The following TFE3 variants were observed in gnomAD, a reference collection of about 807,000 sequenced individuals.
TFE3 encodes the protein transcription factor binding to IGHM enhancer 3, also known as transcription factor E3.
In TFE3, 5 loss-of-function variants were observed where a neutral mutation model predicts 35.0. The ratio of observed to expected loss-of-function variants is 0.14; its 90% CI spans 0.07 to 0.30. The LOEUF is 0.30. Among genes scored for constraint, TFE3 ranks in the 10% least tolerant of loss-of-function variants. TFE3 has a pLI of 1.00. For synonymous variants in TFE3, 211 were observed against 215.6 expected (o/e 0.98, Z 0.18); for missense variants, 374 against 496.6 (o/e 0.75, Z 2.35).
In TFE3 at chrX:49,039,218, G is replaced by A. The variant is rs1399361139; in HGVS notation, c.423C>T (p.Pro141=). ...RERREQAAAA[P]FPSPAPASPA... is the part of the protein sequence containing the mutation. ...GAGAGGCAGGTGCAGGACTGGGGAA[G>A]GGAGCCGCGGCGGCCTGTTCCCGAC... The change falls in exon 3 of 10, where the codon CCC becomes CCT. Residue 141 remains proline, a synonymous_variant. Coordinates refer to ENST00000315869, the MANE Select transcript of TFE3 (RefSeq NM_006521.6). The A allele has an allele frequency of 1.7e-6, 2 of 1,205,095 alleles. No homozygotes were observed. The highest frequency in any genetic ancestry group is 2.2e-6 in the Non-Finnish European group (2 of 892,945).
In TFE3 at chrX:49,038,261, G is replaced by A. The variant is rs1557075088; in HGVS notation, c.716C>T (p.Pro239Leu). Reference protein sequence around the residue: ...PAPEAAHTTGPTGSAPNSPMA... With the variant: ...PAPEAAHTTGLTGSAPNSPMA... ...GGGGCTGTTGGGCGCACTGCCTGTGGGGCCGGTAGTGTGGGCAGCCTCAGG... is the reference window on the plus strand; with the variant it reads ...GGGGCTGTTGGGCGCACTGCCTGTGAGGCCGGTAGTGTGGGCAGCCTCAGG... The change falls in exon 4 of 10, where the codon CCC becomes CTC. Residue 239 changes from proline (P) to leucine (L), a missense_variant. Physicochemically the swap from Pro to Leu is moderately conservative, Grantham distance 98. Transcript: ENST00000315869. The A allele has an allele frequency of 1.7e-6, 2 of 1,208,467 alleles. No homozygotes were observed. Among genetic ancestry groups the A allele is most frequent in the Admixed American group, 2.2e-5 (1 of 45,623 alleles).
At chrX:49,034,399 G>T in intron 5 of TFE3, 148 bp from the exon 6 acceptor site, 1 of 468,257 alleles carries the variant, frequency 2.1e-6, no homozygotes. Flanking sequence ...CAGAACCCTT[G>T]CTTCTCCTTC....
intron 1 of TFE3, among the ~76,000 whole-genome samples, chrX:49,042,192 T>C (rs782722034): frequency 9.0e-6 from 1 of 111,245 alleles, no homozygotes; most frequent in Non-Finnish European, 1.9e-5. Context: ...TCCAGCTCTA[T>C]GGACAGATTC....
At position 49,042,232 on chromosome X, in the gene TFE3, AAAG is replaced by A. The variant is rs1267902752; in HGVS notation, c.116+876_116+878del. 4.5e-5 allele frequency among the ~76,000 whole-genome samples: 5 copies of A among 111,614 alleles called. No individual in the cohort carries two copies. The Admixed American group carries it at 4.8e-4, about 11-fold the overall frequency. ...TTACCCCCAGGAGCTCGGAGATCGA[AAAG>A]AAGATAAAAAGAAAAGGGGTGTGGG... On this transcript the variant is annotated intron_variant, in intron 1 of 9. Coordinates refer to ENST00000315869, the MANE Select transcript of TFE3 (RefSeq NM_006521.6).
intron 5 of TFE3, among the ~76,000 whole-genome samples, chrX:49,037,195 G>A (rs1467742877): frequency 2.7e-5 from 3 of 111,392 alleles, no homozygotes; most frequent in Non-Finnish European, 3.8e-5. Flanking sequence ...TCCCAGCTAC[G>A]TGAGAGGCTG....
rs1362284922 is a variant in TFE3 at position 49,028,806 on chromosome X, TCCATGGGGCCTGGCCC to T, written c.*1336_*1351del. The T allele has an allele frequency of 6.0e-6, 1 of 167,982 alleles. No homozygotes were observed. Among genetic ancestry groups the T allele is most frequent in the African/African-American group, 3.0e-5 (1 of 33,290 alleles). 13.8% of individuals were successfully genotyped at this position (167,982 alleles called of 1,213,427 possible). On this transcript the variant is annotated 3_prime_UTR_variant, in exon 10 of 10. Coordinates refer to ENST00000315869, the MANE Select transcript of TFE3 (RefSeq NM_006521.6). ...AACCTATAGACCCCTCAGTATACCCTCCATGGGGCCTGGCCCCAGCAATCCAAAGCTGACAACCTTG... is the reference window on the plus strand; with the variant it reads ...AACCTATAGACCCCTCAGTATACCCTCAGCAATCCAAAGCTGACAACCTTG...
intron 3 of TFE3, among the ~76,000 whole-genome samples, chrX:49,038,852 G>A (rs1191542782): frequency 9.0e-6 from 1 of 110,795 alleles, no homozygotes; most frequent in East Asian, 2.8e-4. Context: ...CCCACTTGGG[G>A]CACTCATGAG....
Position 49,029,718 on chromosome X carries a change from G to A in TFE3, c.*440C>T, listed in dbSNP as rs782355417. 2 of 440,689 alleles carry A rather than the reference G, an allele frequency of 4.5e-6. No homozygotes were observed. The highest frequency in any genetic ancestry group is 2.3e-5 in the South Asian group (1 of 43,333). The allele number at this position is 440,689 out of a possible 1,213,427, so 36.3% of individuals were successfully genotyped here. A position where few individuals can be genotyped will look rare whatever the true frequency, so the allele number is the denominator to read the frequency against. ...CTTGACTCCTCTTCTGTGCCAGGAC[G>A]GACTAGACTGGTGGTTCCAAGACAA... On this transcript the variant is annotated 3_prime_UTR_variant, in exon 10 of 10. Coordinates refer to ENST00000315869, the MANE Select transcript of TFE3 (RefSeq NM_006521.6).
intron 1 of TFE3, among the ~76,000 whole-genome samples, chrX:49,041,785 C>G (rs1486889413): frequency 8.9e-6 from 1 of 112,388 alleles, no homozygotes; most frequent in African/African-American, 3.2e-5. Flanking sequence ...GAGCAAGGGA[C>G]AGTTAACACA....
Position 49,030,102 on chromosome X carries a change from C to T in TFE3, c.*56G>A. On this transcript the variant is annotated 3_prime_UTR_variant, in exon 10 of 10. Coordinates refer to ENST00000315869, the MANE Select transcript of TFE3 (RefSeq NM_006521.6). ...GGTGGGGGAAAAGGCGGGGCCTCAT[C>T]CTGACTGGTCCTCCTTTCCTGGGTG... The T allele has an allele frequency of 8.7e-7, 1 of 1,150,498 alleles. No individual in the cohort carries two copies. Among genetic ancestry groups the T allele is most frequent in the South Asian group, 1.9e-5 (1 of 52,263 alleles). 94.8% of individuals were successfully genotyped at this position (1,150,498 alleles called of 1,213,427 possible). A position where few individuals can be genotyped will look rare whatever the true frequency, so the allele number is the denominator to read the frequency against.
Position 49,040,520 on chromosome X carries a change from T to C in TFE3, c.165A>G (p.Leu55=), listed in dbSNP as rs2064754938. The change falls in exon 2 of 10, where the codon TTA becomes TTG. Residue 55 remains leucine, a synonymous_variant. Coordinates refer to ENST00000315869, the MANE Select transcript of TFE3 (RefSeq NM_006521.6). ...PESGIVADIE[L]ENVLDPDSFY... Reference sequence around the variant, plus strand: ...AGCTGTCAGGATCAAGGACGTTTTCTAATTCTATGTCAGCAACAATCCCGG... The same window carrying C: ...AGCTGTCAGGATCAAGGACGTTTTCCAATTCTATGTCAGCAACAATCCCGG... The C allele has an allele frequency of 1.2e-5, 15 of 1,209,081 alleles. No homozygotes were observed. Among genetic ancestry groups the C allele is most frequent in the Non-Finnish European group, 1.6e-5 (14 of 894,865 alleles).
In TFE3 at chrX:49,038,120, G is replaced by A. The variant is rs782352878; in HGVS notation, c.781-6C>T. ...TCATCAATGACATCATCAATCTAGG[G>A]GAAGAAGTAAATATTATACAGGTTT... is the stretch of plus-strand genomic sequence containing the variant. On this transcript the variant is annotated splice_polypyrimidine_tract_variant and splice_region_variant and intron_variant, in intron 4 of 9. Transcript: ENST00000315869. 4 of 1,209,269 alleles carry A rather than the reference G, an allele frequency of 3.3e-6. No individual in the cohort carries two copies. The highest frequency in any genetic ancestry group is 2.3e-4 in the Middle Eastern group (1 of 4,364).
At chrX:49,034,055 G>T in intron 6 of TFE3, 79 bp downstream of exon 6, 1 of 853,635 alleles carries the variant, frequency 1.2e-6, no homozygotes, top group Non-Finnish European at 1.7e-6. Context: ...TCAGAATCAG[G>T]CCCATCTCTA....
At chrX:49,032,908 C>G (rs782160305) in intron 8 of TFE3, among the ~76,000 whole-genome samples, 1 of 111,799 alleles carries the variant, frequency 8.9e-6, no homozygotes, top group Non-Finnish European at 1.9e-5. Flanking sequence ...CCTCGTGATC[C>G]GCCTGCCTTG....
At position 49,028,973 on chromosome X, in the gene TFE3, C is replaced by T. The variant is rs184634249; in HGVS notation, c.*1185G>A. ...TGGGGTGGCCTAGATTCTCAGTATG[C>T]GGAGCAATAAAAAAATCAGATAAAC... On this transcript the variant is annotated 3_prime_UTR_variant, in exon 10 of 10. Coordinates refer to ENST00000315869, the MANE Select transcript of TFE3 (RefSeq NM_006521.6). The T allele has an allele frequency of 1.2e-4, 20 of 170,787 alleles. No homozygotes were observed. Among genetic ancestry groups the T allele is most frequent in the African/African-American group, 5.1e-4 (17 of 33,518 alleles). 14.1% of individuals were successfully genotyped at this position (170,787 alleles called of 1,213,427 possible).
At chrX:49,042,022 C>T (rs1463492757) in intron 1 of TFE3, among the ~76,000 whole-genome samples, 1 of 110,578 alleles carries the variant, frequency 9.0e-6, no homozygotes, top group Non-Finnish European at 1.9e-5. Flanking sequence ...CAAAGACCCC[C>T]CCCCACCCAG....
chrX:49,033,338 G>A, intron 8 of TFE3, 127 bp downstream of exon 8: 1 of 603,916 alleles, frequency 1.7e-6, no homozygotes, highest in Non-Finnish European at 2.6e-6. Flanking sequence ...CTCAGGCTGA[G>A]AAAGAACCAG....
chrX:49,043,348 C>A lies in TFE3; in HGVS notation c.-122G>T. 7.8e-6 allele frequency: 4 copies of A among 512,983 alleles called. No homozygotes were observed. The highest frequency in any genetic ancestry group is 1.2e-5 in the Non-Finnish European group (4 of 340,964). 42.3% of individuals were successfully genotyped at this position (512,983 alleles called of 1,213,427 possible). On this transcript the variant is annotated 5_prime_UTR_variant, in exon 1 of 10. Coordinates refer to ENST00000315869, the MANE Select transcript of TFE3 (RefSeq NM_006521.6). ...CCGCCTCCTCCGCTAAGCCATGGAG[C>A]TAGCACTGCGCGGGCGGGCGGCGTC...
chrX:49,034,365 T>A, intron 5 of TFE3, 114 bp from the exon 6 acceptor site: 1 of 516,437 alleles, frequency 1.9e-6, no homozygotes, highest in Non-Finnish European at 3.4e-6. Context: ...CACCCTCTAA[T>A]GCAAGGACTG....
Sources: allele counts gnomAD v4.1 joint callset (sites outside exome capture counted in the v4.1 genomes callset), GRCh38; gene constraint gnomAD v4.1.1; transcripts MANE v1.5; gene names NCBI Gene and HGNC (gene_info 2026-07-23, HGNC 2026-07-21).